TRAPPC9: variants seen among roughly 807,000 people sequenced by gnomAD.
TRAPPC9 encodes IKK2 binding protein.
TRAPPC9 carries 83 observed loss-of-function variants against 124.0 expected under a neutral mutation model. The observed-to-expected ratio is 0.67, with a 90% CI of 0.56 to 0.80. The LOEUF (loss-of-function observed/expected upper bound fraction) is 0.80. TRAPPC9 is among the 30% of genes least tolerant of loss of function. TRAPPC9 has a pLI of 0.00. For missense variants in TRAPPC9, 1,302 were observed against 1,508.3 expected (o/e 0.86, Z 2.27); for synonymous variants, 638 against 617.5 (o/e 1.03, Z -0.49).
chr8:139,926,528 G>A (rs540703862), intron 19 of TRAPPC9, among the ~76,000 whole-genome samples: 1 of 150,598 alleles, frequency 6.6e-6, no homozygotes, highest in South Asian at 2.1e-4. Context: ...TTAAAAATAG[G>A]AATTTACAAC....
intron 9 of TRAPPC9, among the ~76,000 whole-genome samples, chr8:140,339,096 G>A (rs1177787953): frequency 2.0e-5 from 3 of 147,364 alleles, no homozygotes; most frequent in East Asian, 2.0e-4. Flanking sequence ...GACGGGAAAC[G>A]GCTCAGAGAA....
chr8:140,387,613 C>T (rs1344586399), intron 7 of TRAPPC9, among the ~76,000 whole-genome samples: 1 of 152,168 alleles, frequency 6.6e-6, no homozygotes, highest in Non-Finnish European at 1.5e-5. Flanking sequence ...AGCCAACAGA[C>T]ACATGAAAAA....
At chr8:139,801,937 CT>C (rs1478982263) in intron 21 of TRAPPC9, among the ~76,000 whole-genome samples, 1 of 152,214 alleles carries the variant, frequency 6.6e-6, no homozygotes, top group Non-Finnish European at 1.5e-5. Context: ...TCTCTGAGGC[CT>C]GTGGACATGG....
At chr8:140,392,107 C>T (rs2068943736) in intron 7 of TRAPPC9, among the ~76,000 whole-genome samples, 1 of 152,098 alleles carries the variant, frequency 6.6e-6, no homozygotes, top group South Asian at 2.1e-4. Context: ...GTACATAGAG[C>T]TTGGATTTTA....
At chr8:140,458,522 T>TC (rs1377948647), upstream of TRAPPC9, 1 of 1,583,382 alleles carries the variant, frequency 6.3e-7, no homozygotes, top group Admixed American at 1.8e-5. Context: ...TGGGCCGGCT[T>TC]CCCCCTGTGT....
intron 20 of TRAPPC9, among the ~76,000 whole-genome samples, chr8:139,893,898 C>T (rs1830502660): frequency 6.6e-6 from 1 of 152,260 alleles, no homozygotes. Flanking sequence ...TGTCACGTAG[C>T]ACCACGTGAT....
chr8:139,830,297 A>G (rs1825896548), intron 21 of TRAPPC9, among the ~76,000 whole-genome samples: 1 of 151,774 alleles, frequency 6.6e-6, no homozygotes, highest in African/African-American at 2.4e-5. Flanking sequence ...ACACATGCAC[A>G]CACACTACAC....
chr8:139,959,988 C>G (rs1181028743), intron 19 of TRAPPC9, among the ~76,000 whole-genome samples: 1 of 152,202 alleles, frequency 6.6e-6, no homozygotes, highest in Non-Finnish European at 1.5e-5. Flanking sequence ...GCGAGAGGCT[C>G]TCACAGACTG....
intron 4 of TRAPPC9, among the ~76,000 whole-genome samples, chr8:140,433,421 T>G (rs891829032): frequency 2.0e-5 from 3 of 152,056 alleles, no homozygotes; most frequent in Admixed American, 6.6e-5. Flanking sequence ...AAACCGCATC[T>G]CTACTGAAAT....
At position 140,451,224 on chromosome 8, in the gene TRAPPC9, C is replaced by T. The variant is rs761740820; in HGVS notation, c.150G>A (p.Gln50=). The change falls in exon 2 of 23, where the codon CAG becomes CAA. Residue 50 remains glutamine, a synonymous_variant. Coordinates refer to ENST00000438773, the MANE Select transcript of TRAPPC9 (RefSeq NM_001160372.4). ...SVSQISVRDS[Q]RVLYIRYRHH... ...GCCTGTAGCGGATGTAGAGGACTCG[C>T]TGGGAGTCCCGCACGCTGATCTGAC... is the stretch of plus-strand genomic sequence containing the variant. 1 of 1,614,072 alleles carries T rather than the reference C, an allele frequency of 6.2e-7. No homozygotes were observed. The highest frequency in any genetic ancestry group is 1.3e-5 in the African/African-American group (1 of 75,044).
At chr8:139,780,360 A>G (rs1004772432) in intron 21 of TRAPPC9, among the ~76,000 whole-genome samples, 2 of 152,236 alleles carry the variant, frequency 1.3e-5, no homozygotes, top group Non-Finnish European at 2.9e-5. Context: ...CAGAACAGAG[A>G]GTTCAGAAAT....
chr8:139,873,234 C>G (rs771109599), intron 21 of TRAPPC9, among the ~76,000 whole-genome samples: 1 of 152,114 alleles, frequency 6.6e-6, no homozygotes, highest in South Asian at 2.1e-4. Flanking sequence ...TGTCTGGGAA[C>G]GCTGGGTCAG....
chr8:140,043,000 T>C (rs2132039230), intron 17 of TRAPPC9, among the ~76,000 whole-genome samples: 1 of 152,246 alleles, frequency 6.6e-6, no homozygotes, highest in Middle Eastern at 3.4e-3. Flanking sequence ...TACCAAACTG[T>C]TTTTCAGCTC....
chr8:139,938,953 T>A (rs924905359), intron 19 of TRAPPC9, among the ~76,000 whole-genome samples: 3 of 152,234 alleles, frequency 2.0e-5, no homozygotes, highest in African/African-American at 7.2e-5. Context: ...CCCCGATTAA[T>A]TTTTTAAGGC....
intron 19 of TRAPPC9, among the ~76,000 whole-genome samples, chr8:139,927,068 G>C (rs982673196): frequency 6.6e-6 from 1 of 152,178 alleles, no homozygotes; most frequent in Non-Finnish European, 1.5e-5. Context: ...AAGATGCTCA[G>C]CATCCACAGT....
At chr8:140,010,712 C>T (rs6578056) in intron 18 of TRAPPC9, among the ~76,000 whole-genome samples, 22,278 of 152,144 alleles carry the variant, frequency 0.15, 3,428 homozygotes, top group African/African-American at 0.39. Context: ...TAGGGAGAAA[C>T]GAACAGTCTC....
chr8:140,203,302 T>C (rs560594270), intron 17 of TRAPPC9, among the ~76,000 whole-genome samples: 2 of 152,264 alleles, frequency 1.3e-5, no homozygotes, highest in Admixed American at 6.5e-5. Flanking sequence ...CTGAGTGATA[T>C]ACACTCTGGC....
In TRAPPC9 at chr8:139,788,137, T is replaced by C. The variant is rs546989676; in HGVS notation, c.3056-55935A>G. Among the ~76,000 whole-genome samples the C allele has an allele frequency of 1.3e-5, 2 of 152,194 alleles. No homozygotes were observed. Among genetic ancestry groups the C allele is most frequent in the South Asian group, 4.2e-4 (2 of 4,812 alleles). Reference sequence around the variant, plus strand: ...CACTGGTTTCTGCTGGGGACAATGATGACAACACCCTAAGTCCCACAGGAC... The same window carrying C: ...CACTGGTTTCTGCTGGGGACAATGACGACAACACCCTAAGTCCCACAGGAC... On this transcript the variant is annotated intron_variant, in intron 21 of 22. Transcript: ENST00000438773. The surrounding 1 kb of genome is among the most constrained non-coding windows in gnomAD (Gnocchi z 4.9).
chr8:140,177,372 C>CCAGCATCACCTGTTGAAAAA (rs2062093786), intron 17 of TRAPPC9, among the ~76,000 whole-genome samples: 1 of 152,032 alleles, frequency 6.6e-6, no homozygotes, highest in Admixed American at 6.6e-5. Flanking sequence ...ATTAGTTGTT[C>CCAGCATCACCTGTTGAAAAA]CAGCATCACC....
Sources: gnomAD v4.1 joint callset for allele counts (sites outside exome capture counted in the v4.1 genomes callset) on GRCh38, gnomAD v4.1.1 for gene constraint, Gnocchi (gnomAD v3.1) non-coding constraint, MANE v1.5 for transcripts, NCBI Gene and HGNC (gene_info 2026-07-23, HGNC 2026-07-21) for gene names.